Variants in ARIH1 observed in about 807,000 individuals in gnomAD.
ARIH1 encodes the protein E3 ubiquitin-protein ligase ARIH1.
A neutral mutation model predicts 85.0 loss-of-function variants in ARIH1; 8 were observed. The observed-to-expected ratio is 0.09, with a 90% CI of 0.06 to 0.17. ARIH1 has a LOEUF of 0.17. Among genes scored for constraint, ARIH1 ranks in the 10% least tolerant of loss-of-function variants. The pLI is 1.00. For synonymous variants in ARIH1, 238 were observed against 253.6 expected (o/e 0.94, Z 0.59); for missense variants, 311 against 718.1 (o/e 0.43, Z 6.48).
intron 9 of ARIH1, among the ~76,000 whole-genome samples, chr15:72,568,791 A>C (rs1022861741): frequency 1.3e-5 from 2 of 152,204 alleles, no homozygotes; most frequent in Non-Finnish European, 2.9e-5. Context: ...GTGATTTCAA[A>C]AATTTGATTT....
chr15:72,500,837 T>G (rs1328048843), intron 1 of ARIH1, among the ~76,000 whole-genome samples: 1 of 152,222 alleles, frequency 6.6e-6, no homozygotes, highest in Non-Finnish European at 1.5e-5. Context: ...GTGACTGAAG[T>G]ATGGCAAAGA....
At position 72,600,177 on chromosome 15, in the gene ARIH1, C is replaced by T. The variant is rs1010500236; in HGVS notation, c.*16885C>T. The T allele has an allele frequency of 6.6e-6, 1 of 152,086 alleles. No homozygotes were observed. The highest frequency in any genetic ancestry group is 1.5e-5 in the Non-Finnish European group (1 of 68,032). The allele number at this position is 152,086 out of a possible 1,614,324, so 9.4% of individuals were successfully genotyped here. A position where few individuals can be genotyped will look rare whatever the true frequency, so the allele number is the denominator to read the frequency against. ...TATATTGGGGGTGTTGAAAAGTTAC[C>T]GATGCCTGATTCCTCTTCTATGTCC... On this transcript the variant is annotated 3_prime_UTR_variant, in exon 14 of 14. Transcript: ENST00000379887.
intron 10 of ARIH1, among the ~76,000 whole-genome samples, chr15:72,570,957 C>T: frequency 6.6e-6 from 1 of 151,750 alleles, no homozygotes; most frequent in Non-Finnish European, 1.5e-5. Flanking sequence ...TGGAGAAACC[C>T]CGTCTCTACT....
At chr15:72,572,832 G>C (rs1265539652) in intron 11 of ARIH1, among the ~76,000 whole-genome samples, 1 of 152,130 alleles carries the variant, frequency 6.6e-6, no homozygotes, top group East Asian at 1.9e-4. Context: ...TCATCAAGAA[G>C]CGCTGATGAT....
At chr15:72,576,682 GT>G (rs1322237821) in intron 11 of ARIH1, among the ~76,000 whole-genome samples, 4 of 151,874 alleles carry the variant, frequency 2.6e-5, no homozygotes, top group Admixed American at 2.0e-4. Flanking sequence ...ATATTATAAT[GT>G]AATAATACAA....
rs59841210 is a variant in ARIH1, at chr15:72,534,959, C to CTTTTTTTTTTTTTTTTTTTTTTTTTTTTT, written c.444-9850_444-9849insTTTTTTTTTTTTTTTTTTTTTTTTTTTTT. Among the ~76,000 whole-genome samples the CTTTTTTTTTTTTTTTTTTTTTTTTTTTTT allele has an allele frequency of 2.2e-4, 16 of 73,906 alleles. 5 individuals are homozygous for CTTTTTTTTTTTTTTTTTTTTTTTTTTTTT. Among genetic ancestry groups the CTTTTTTTTTTTTTTTTTTTTTTTTTTTTT allele is most frequent in the East Asian group, 1.4e-3 (2 of 1,432 alleles). 48.5% of individuals were successfully genotyped at this position (73,906 alleles called of 152,430 possible). A position where few individuals can be genotyped will look rare whatever the true frequency, so the allele number is the denominator to read the frequency against. Reference sequence around the variant, plus strand: ...CCTATGTCTTCTTATTGTCTGTATTCTTTTTTTTTTTGAGACGGAGTCTCG... The same window carrying CTTTTTTTTTTTTTTTTTTTTTTTTTTTTT: ...CCTATGTCTTCTTATTGTCTGTATTCTTTTTTTTTTTTTTTTTTTTTTTTTTTTTTTTTTTTTTTTGAGACGGAGTCTCG... On this transcript the variant is annotated intron_variant, in intron 2 of 13. Coordinates refer to ENST00000379887, the MANE Select transcript of ARIH1 (RefSeq NM_005744.5).
chr15:72,592,612 T>C lies in ARIH1; in HGVS notation c.*9320T>C, dbSNP rs1373942478. ...CACTCCAGTGATCACTTCTTGATTT[T>C]TATCACTAAAGATTTGTTGTACCTG... On this transcript the variant is annotated 3_prime_UTR_variant, in exon 14 of 14. Transcript: ENST00000379887. 6.6e-6 allele frequency: 1 copy of C among 152,212 alleles called. No homozygotes were observed. The highest frequency in any genetic ancestry group is 1.5e-5 in the Non-Finnish European group (1 of 68,026). The allele number at this position is 152,212 out of a possible 1,614,324, so 9.4% of individuals were successfully genotyped here.
At chr15:72,492,016 C>A (rs1356908591) in intron 1 of ARIH1, among the ~76,000 whole-genome samples, 1 of 152,036 alleles carries the variant, frequency 6.6e-6, no homozygotes, top group African/African-American at 2.4e-5. Context: ...ATTGCTGTGG[C>A]CTCTGAATCC....
rs550568588 is a variant in ARIH1 at position 72,591,321 on chromosome 15, G to A, written c.*8029G>A. The A allele has an allele frequency of 4.0e-5, 6 of 151,288 alleles. No individual in the cohort carries two copies. The South Asian group carries it at 1.0e-3, about 26-fold the overall frequency. 9.4% of individuals were successfully genotyped at this position (151,288 alleles called of 1,614,324 possible). A position where few individuals can be genotyped will look rare whatever the true frequency, so the allele number is the denominator to read the frequency against. On this transcript the variant is annotated 3_prime_UTR_variant, in exon 14 of 14. Coordinates refer to ENST00000379887, the MANE Select transcript of ARIH1 (RefSeq NM_005744.5). Reference sequence around the variant, plus strand: ...CCAGAAAGCTTTTTAGGCTGAAAACGTTTCTATAGATTTTGGATTTCCTTC... The same window carrying A: ...CCAGAAAGCTTTTTAGGCTGAAAACATTTCTATAGATTTTGGATTTCCTTC...
At chr15:72,561,413 C>CT (rs2064196863) in intron 5 of ARIH1, 70 bp from the exon 6 acceptor site, 1 of 1,178,844 alleles carries the variant, frequency 8.5e-7, no homozygotes, top group African/African-American at 1.5e-5. Flanking sequence ...GCTTTTGAAA[C>CT]TATGTTTTAT....
chr15:72,522,322 T>C (rs2064003817), intron 2 of ARIH1, among the ~76,000 whole-genome samples: 1 of 152,202 alleles, frequency 6.6e-6, no homozygotes, highest in Non-Finnish European at 1.5e-5. Flanking sequence ...GAGACCAGCC[T>C]GGCCTACATG....
chr15:72,574,831 G>A (rs967928879), intron 11 of ARIH1, among the ~76,000 whole-genome samples: 1 of 151,932 alleles, frequency 6.6e-6, no homozygotes, highest in Admixed American at 6.5e-5. Flanking sequence ...AGTGCTTTGG[G>A]AGGCCAAGGC....
rs986196148 is a variant in ARIH1 at position 72,582,016 on chromosome 15, A to C, written c.1477-59A>C. 2.5e-6 allele frequency: 3 copies of C among 1,223,858 alleles called. No individual in the cohort carries two copies. The African/African-American group carries it at 4.5e-5, about 18-fold the overall frequency. The allele number at this position is 1,223,858 out of a possible 1,614,324, so 75.8% of individuals were successfully genotyped here. A position where few individuals can be genotyped will look rare whatever the true frequency, so the allele number is the denominator to read the frequency against. ...CAGTCTGTAGTCAACAAAACAGTGA[A>C]AATGGTTTATCTTTTAGCTTTATTT... On this transcript the variant is annotated intron_variant, in intron 12 of 13. Coordinates refer to ENST00000379887, the MANE Select transcript of ARIH1 (RefSeq NM_005744.5). This position sits in a 1 kb window ranked among gnomAD's most constrained non-coding sequence, Gnocchi z 4.6.
intron 2 of ARIH1, among the ~76,000 whole-genome samples, chr15:72,523,939 CTTTTTTTTTT>C (rs397853910): frequency 2.6e-4 from 16 of 61,674 alleles, no homozygotes; most frequent in Admixed American, 8.5e-4. Flanking sequence ...ACTTTTACAT[CTTTTTTTTTT>C]TTTTTTTTTT....
intron 2 of ARIH1, among the ~76,000 whole-genome samples, chr15:72,538,256 C>A (rs1248249820): frequency 1.3e-5 from 2 of 152,084 alleles, no homozygotes; most frequent in African/African-American, 4.8e-5. Flanking sequence ...ATCCGCTACT[C>A]CAGAGGCTGA....
chr15:72,481,218 G>A (rs2063815345), intron 1 of ARIH1, among the ~76,000 whole-genome samples: 1 of 152,204 alleles, frequency 6.6e-6, no homozygotes, highest in Admixed American at 6.5e-5. Context: ...TGCTATGGCA[G>A]TAGTCCTATG....
intron 1 of ARIH1, among the ~76,000 whole-genome samples, chr15:72,484,171 CAAAAAA>C (rs35300595): frequency 4.2e-5 from 5 of 117,672 alleles, no homozygotes; most frequent in Admixed American, 8.6e-5. Flanking sequence ...GAAACTCCAT[CAAAAAA>C]AAAAAAAAAA....
chr15:72,552,870 G>A (rs1259028428), intron 3 of ARIH1, among the ~76,000 whole-genome samples: 1 of 151,874 alleles, frequency 6.6e-6, no homozygotes, highest in East Asian at 1.9e-4. Context: ...CATCTCCTAG[G>A]TTCAAGCGAT....
At chr15:72,534,644 A>C (rs2064072873) in intron 2 of ARIH1, among the ~76,000 whole-genome samples, 4 of 152,160 alleles carry the variant, frequency 2.6e-5, no homozygotes, top group Middle Eastern at 3.4e-3. Context: ...TCTATCCTAA[A>C]TTTAACTTAG....
Sources: gnomAD v4.1 joint callset for allele counts (sites outside exome capture counted in the v4.1 genomes callset) on GRCh38, gnomAD v4.1.1 for gene constraint, Gnocchi (gnomAD v3.1) non-coding constraint, MANE v1.5 for transcripts, NCBI Gene and HGNC (gene_info 2026-07-23, HGNC 2026-07-21) for gene names.